The following LGR5 variants were observed in gnomAD, a reference collection of about 807,000 sequenced individuals.
The protein encoded by LGR5 is leucine rich repeat containing G protein-coupled receptor 5, also known as leucine-rich repeat-containing G protein-coupled receptor 5.
Under a neutral mutation model 76.7 loss-of-function variants are expected in LGR5, and 54 were observed. That is an observed-to-expected ratio of 0.70 (90% CI 0.57 to 0.88). The LOEUF (loss-of-function observed/expected upper bound fraction) is 0.88. Among genes scored for constraint, LGR5 ranks in the 40% least tolerant of loss-of-function variants. The probability of loss-of-function intolerance (pLI) is 0.00; values close to 1 mark genes in which losing one functional copy is unlikely to be tolerated. For synonymous variants in LGR5, 406 were observed against 421.9 expected, an observed-to-expected ratio of 0.96 and a Z score of 0.46; for missense variants, 1,078 against 1,073.3, an observed-to-expected ratio of 1.00 and a Z score of -0.06.
At chr12:71,451,532 T>C (rs1021461362) in intron 1 of LGR5, among the ~76,000 whole-genome samples, 35 of 152,144 alleles carry the variant, frequency 2.3e-4, no homozygotes, top group African/African-American at 8.0e-4. Flanking sequence ...AGTCTTTCCA[T>C]ACTCAGCTCA....
chr12:71,467,909 T>C (rs974634412), intron 1 of LGR5, among the ~76,000 whole-genome samples: 1 of 152,340 alleles, frequency 6.6e-6, no homozygotes, highest in Non-Finnish European at 1.5e-5. Flanking sequence ...ATCTGATTCC[T>C]TATTAATTCT....
chr12:71,578,101 A>C (rs1592563883), intron 14 of LGR5, 105 bp downstream of exon 14: 5 of 820,998 alleles, frequency 6.1e-6, no homozygotes, highest in Non-Finnish European at 4.1e-6. Flanking sequence ...TGCACAGATT[A>C]CCTGCCTCTG....
chr12:71,571,594 C>A lies in LGR5; in HGVS notation c.1136+15C>A. ...CTTCAGAAAATGTAAGTCTAGAAGT[C>A]TCTAAGTCACCTAGCAAAAATCAAG... On this transcript the variant is annotated intron_variant, in intron 12 of 17. Transcript: ENST00000266674. The A allele has an allele frequency of 1.3e-6, 2 of 1,581,072 alleles. No individual in the cohort carries two copies. The highest frequency in any genetic ancestry group is 4.5e-5 in the East Asian group (2 of 44,682).
chr12:71,454,895 T>G (rs1431231443), intron 1 of LGR5, among the ~76,000 whole-genome samples: 2 of 151,152 alleles, frequency 1.3e-5, no homozygotes, highest in Non-Finnish European at 2.9e-5. Flanking sequence ...AATATATACC[T>G]AACCTATAGG....
upstream of LGR5, among the ~76,000 whole-genome samples, chr12:71,439,536 G>T (rs988760674): frequency 1.3e-5 from 2 of 152,054 alleles, no homozygotes; most frequent in African/African-American, 4.8e-5. Flanking sequence ...AAGGGTGGGG[G>T]GGTCCCCTAT....
intron 1 of LGR5, among the ~76,000 whole-genome samples, chr12:71,451,349 T>G (rs906240291): frequency 3.3e-5 from 5 of 152,198 alleles, no homozygotes; most frequent in Non-Finnish European, 2.9e-5. Flanking sequence ...GAGGAACTTT[T>G]AGGCCAAACT....
At chr12:71,457,529 A>C (rs781614815) in intron 1 of LGR5, among the ~76,000 whole-genome samples, 1 of 152,186 alleles carries the variant, frequency 6.6e-6, no homozygotes, top group Non-Finnish European at 1.5e-5. Flanking sequence ...AGCACTGTTC[A>C]TTCAAAATAG....
chr12:71,446,100 G>A (rs1217412295), intron 1 of LGR5, among the ~76,000 whole-genome samples: 4 of 152,126 alleles, frequency 2.6e-5, no homozygotes, highest in Non-Finnish European at 4.4e-5. Flanking sequence ...GGCTCTTAAG[G>A]GAGTTCAGTA....
At position 71,504,640 on chromosome 12, in the gene LGR5, AG is replaced by A. The variant is rs1265167970; in HGVS notation, c.240del (p.Gln80HisfsTer23). ...GACCTCAGTATGAACAACATCAGTC[AG>A]CTGCTCCCGAATCCCCTGCCCAGTC... Reference protein sequence around the residue: ...YLDLSMNNISQLLPNPLPSLR... With the variant: ...YLDLSMNNISXLLPNPLPSLR... On this transcript the variant is annotated frameshift_variant, in exon 2 of 18. Transcript: ENST00000266674. LOFTEE classifies it high-confidence loss of function. 6.2e-7 allele frequency: 1 copy of A among 1,613,974 alleles called. No individual in the cohort carries two copies. The highest frequency in any genetic ancestry group is 8.5e-7 in the Non-Finnish European group (1 of 1,179,988).
chr12:71,537,070 T>C (rs1316656332), intron 4 of LGR5, among the ~76,000 whole-genome samples: 1 of 151,970 alleles, frequency 6.6e-6, no homozygotes, highest in Non-Finnish European at 1.5e-5. Flanking sequence ...GGCCCCTTTG[T>C]CCAGAGCACA....
intron 2 of LGR5, among the ~76,000 whole-genome samples, chr12:71,515,134 A>C (rs1348844409): frequency 6.6e-6 from 1 of 152,226 alleles, no homozygotes; most frequent in Non-Finnish European, 1.5e-5. Context: ...AAGTTGAGGC[A>C]AATTACATCT....
chr12:71,575,726 G>A (rs750722307), intron 13 of LGR5, among the ~76,000 whole-genome samples: 5,091 of 86,270 alleles, frequency 0.059, 116 homozygotes, highest in Non-Finnish European at 0.094. Flanking sequence ...ATATATATGT[G>A]TGTGTGTGTG....
intron 1 of LGR5, among the ~76,000 whole-genome samples, chr12:71,493,843 A>G (rs58124323): frequency 0.023 from 3,394 of 145,910 alleles, 281 homozygotes; most frequent in African/African-American, 0.085. Context: ...ATCACAGCTC[A>G]CTGAAGCGGT....
intron 2 of LGR5, among the ~76,000 whole-genome samples, chr12:71,514,498 G>C (rs922319271): frequency 6.6e-6 from 1 of 151,150 alleles, no homozygotes; most frequent in African/African-American, 2.4e-5. Context: ...AACCCGGAAG[G>C]CGGAGCTTGC....
chr12:71,516,229 A>G (rs1199551907), intron 2 of LGR5, among the ~76,000 whole-genome samples: 1 of 152,142 alleles, frequency 6.6e-6, no homozygotes, highest in African/African-American at 2.4e-5. Flanking sequence ...TTTTAATTTA[A>G]GGGAAATAAG....
At chr12:71,547,802 TC>T in intron 4 of LGR5, among the ~76,000 whole-genome samples, 1 of 152,294 alleles carries the variant, frequency 6.6e-6, no homozygotes, top group East Asian at 1.9e-4. Flanking sequence ...AGACAGGGTT[TC>T]CCCATGTTTG....
intron 1 of LGR5, among the ~76,000 whole-genome samples, chr12:71,491,391 T>G (rs1027985048): frequency 1.3e-5 from 2 of 152,126 alleles, no homozygotes; most frequent in African/African-American, 2.4e-5. Flanking sequence ...AACCTTAGAT[T>G]GACTTTTTTT....
chr12:71,528,908 C>T (rs1876156288), intron 3 of LGR5, among the ~76,000 whole-genome samples: 1 of 152,140 alleles, frequency 6.6e-6, no homozygotes, highest in Non-Finnish European at 1.5e-5. Context: ...GGAATTAATG[C>T]TTGCTTCAGA....
intron 2 of LGR5, among the ~76,000 whole-genome samples, chr12:71,511,884 G>T (rs907087847): frequency 6.6e-6 from 1 of 152,048 alleles, no homozygotes; most frequent in Non-Finnish European, 1.5e-5. Context: ...AAGTCTTAAA[G>T]CTCATAATTC....
Sources: allele counts gnomAD v4.1 joint callset (sites outside exome capture counted in the v4.1 genomes callset), GRCh38; gene constraint gnomAD v4.1.1; transcripts MANE v1.5; gene names NCBI Gene and HGNC (gene_info 2026-07-23, HGNC 2026-07-21).